Variants in CRHR1 observed in about 807,000 individuals in gnomAD.
The protein encoded by CRHR1 is corticotropin releasing hormone receptor 1, also known as corticotropin-releasing hormone receptor 1.
CRHR1 carries 28 observed loss-of-function variants against 56.0 expected under a neutral mutation model. The ratio of observed to expected loss-of-function variants is 0.50; its 90% CI spans 0.37 to 0.69. The LOEUF (loss-of-function observed/expected upper bound fraction) is 0.69. CRHR1 is among the 30% of genes least tolerant of loss of function. CRHR1 has a pLI of 0.00. For synonymous variants in CRHR1, 195 were observed against 216.5 expected (o/e 0.90, Z 0.87); for missense variants, 376 against 548.0 (o/e 0.69, Z 3.13).
rs1450999357 is a variant in CRHR1, at chr17:45,784,467, G to T, written c.-78G>T. On this transcript the variant is annotated 5_prime_UTR_variant, in exon 1 of 13. Transcript: ENST00000314537. The surrounding 1 kb of genome is among the most constrained non-coding windows in gnomAD (Gnocchi z 4.2). The stretch of plus-strand genomic sequence containing the variant: ...CGGCCGCCCACCCCGTGCCGCCCGA[G>T]CCCGCAGCCGCCCGCCGGTCCCTCT... 9 of 1,424,492 alleles carry T rather than the reference G, an allele frequency of 6.3e-6. No individual in the cohort carries two copies. Among genetic ancestry groups the T allele is most frequent in the African/African-American group, 1.5e-5 (1 of 67,218 alleles). The allele number at this position is 1,424,492 out of a possible 1,614,324, so 88.2% of individuals were successfully genotyped here.
chr17:45,833,120 T>C lies in CRHR1; in HGVS notation c.771-18T>C. On this transcript the variant is annotated intron_variant, in intron 8 of 12. Coordinates refer to ENST00000314537, the MANE Select transcript of CRHR1 (RefSeq NM_004382.5). Reference sequence around the variant, plus strand: ...GACGCAGATGACCCTTCCTCCCCTTTCCTCTGTGGCCTTCTAGGTGCTGGT... The same window carrying C: ...GACGCAGATGACCCTTCCTCCCCTTCCCTCTGTGGCCTTCTAGGTGCTGGT... The C allele has an allele frequency of 6.2e-7, 1 of 1,609,920 alleles. No individual in the cohort carries two copies.
chr17:45,823,448 G>A (rs1455883512), intron 4 of CRHR1, among the ~76,000 whole-genome samples: 8 of 128,438 alleles, frequency 6.2e-5, no homozygotes, highest in South Asian at 2.5e-4. Context: ...TTCCTCTGTC[G>A]CCAGGCTGGA....
At chr17:45,824,342 G>T (rs908373310) in intron 4 of CRHR1, among the ~76,000 whole-genome samples, 1 of 152,212 alleles carries the variant, frequency 6.6e-6, no homozygotes, top group Non-Finnish European at 1.5e-5. Context: ...AAGCCATGAG[G>T]TCAGGCTGCA....
intron 1 of CRHR1, among the ~76,000 whole-genome samples, chr17:45,792,446 T>A (rs1318883611): frequency 6.6e-6 from 1 of 152,160 alleles, no homozygotes; most frequent in African/African-American, 2.4e-5. Flanking sequence ...AAGAACCTGA[T>A]GCTCCCCTAA....
chr17:45,790,075 G>A (rs551081799), intron 1 of CRHR1, among the ~76,000 whole-genome samples: 2 of 152,284 alleles, frequency 1.3e-5, no homozygotes, highest in East Asian at 1.9e-4. Context: ...GGTATTTGGC[G>A]TATAGAATCT....
intron 1 of CRHR1, among the ~76,000 whole-genome samples, chr17:45,806,046 T>C (rs1407185987): frequency 6.6e-6 from 1 of 152,186 alleles, no homozygotes; most frequent in East Asian, 1.9e-4. Context: ...GTTAGACCCA[T>C]TTTTACAGGT....
rs765059247 is a variant in CRHR1 at position 45,807,116 on chromosome 17, CT to C, written c.121+20del. Reference sequence around the variant, plus strand: ...ATCTCAGGTGAGTCCCCTCAACCCCCTCCTGCAAGATTCCTGGTCACCACAA... The same window carrying C: ...ATCTCAGGTGAGTCCCCTCAACCCCCCCTGCAAGATTCCTGGTCACCACAA... On this transcript the variant is annotated intron_variant, in intron 2 of 12. Coordinates refer to ENST00000314537, the MANE Select transcript of CRHR1 (RefSeq NM_004382.5). 20 of 1,610,112 alleles carry C rather than the reference CT, an allele frequency of 1.2e-5. No homozygotes were observed. The highest frequency in any genetic ancestry group is 1.7e-5 in the Non-Finnish European group (20 of 1,176,656).
chr17:45,829,602 T>C (rs1200618259), intron 5 of CRHR1: 6 of 1,550,930 alleles, frequency 3.9e-6, no homozygotes, highest in Non-Finnish European at 5.2e-6. Context: ...GATGGAGCCC[T>C]GGAGGTGGGG....
rs1340655492 is a variant in CRHR1, at chr17:45,816,371, G to T, written c.122-92G>T. 18 of 1,542,748 alleles carry T rather than the reference G, an allele frequency of 1.2e-5. No homozygotes were observed. In the Admixed American group the frequency reaches 2.7e-4, roughly 24 times the overall value. ...CTAGCTGGTGTGAGTGGGAACGAGT[G>T]GGGAGGTGGGCAGAACTCTGGAATG... On this transcript the variant is annotated intron_variant, in intron 2 of 12. Coordinates refer to ENST00000314537, the MANE Select transcript of CRHR1 (RefSeq NM_004382.5).
chr17:45,834,382 A>G (rs141532084), intron 12 of CRHR1, among the ~76,000 whole-genome samples: 41 of 152,348 alleles, frequency 2.7e-4, no homozygotes, highest in Non-Finnish European at 5.4e-4. Flanking sequence ...GGCAAAGGGC[A>G]TATGGTGCCT....
chr17:45,800,681 G>A (rs1049059519), intron 1 of CRHR1: 5 of 152,310 alleles, frequency 3.3e-5, no homozygotes, highest in African/African-American at 1.2e-4. Flanking sequence ...GCAGAAGGGC[G>A]AGGGACCGTG....
chr17:45,833,707 A>G lies in CRHR1; in HGVS notation c.930-7A>G. ...GACTCCGAGCCTCCCCACCCGCCCC[A>G]CCCCAGGAAGGCTGTGAAAGCCACT... On this transcript the variant is annotated splice_region_variant and splice_polypyrimidine_tract_variant and intron_variant, in intron 10 of 12. Transcript: ENST00000314537. 3.3e-6 allele frequency: 1 copy of G among 300,582 alleles called. No individual in the cohort carries two copies. The highest frequency in any genetic ancestry group is 5.8e-6 in the Non-Finnish European group (1 of 171,010). The allele number at this position is 300,582 out of a possible 1,614,324, so 18.6% of individuals were successfully genotyped here.
At chr17:45,818,782 A>ACTTCTAGGC (rs1222027626) in intron 3 of CRHR1, among the ~76,000 whole-genome samples, 2 of 152,122 alleles carry the variant, frequency 1.3e-5, no homozygotes, top group Non-Finnish European at 2.9e-5. Flanking sequence ...TGCTGCCAGG[A>ACTTCTAGGC]CTTCTAGGCC....
At chr17:45,833,903 CA>C (rs2143280526) in intron 11 of CRHR1, 54 bp downstream of exon 11, 2 of 1,612,394 alleles carry the variant, frequency 1.2e-6, no homozygotes, top group East Asian at 4.5e-5. Flanking sequence ...TTCTGCCAAG[CA>C]GAGGCCTGGA....
chr17:45,813,958 A>G (rs1403050180), intron 2 of CRHR1, among the ~76,000 whole-genome samples: 5 of 152,248 alleles, frequency 3.3e-5, no homozygotes, highest in Admixed American at 3.3e-4. Context: ...TGGCCGGTGC[A>G]GGTCCTCTAG....
intron 2 of CRHR1, among the ~76,000 whole-genome samples, chr17:45,814,428 T>C (rs1275815195): frequency 6.6e-6 from 1 of 152,232 alleles, no homozygotes; most frequent in Non-Finnish European, 1.5e-5. Flanking sequence ...AATACCTGCC[T>C]ATGAGTCTTG....
intron 2 of CRHR1, among the ~76,000 whole-genome samples, chr17:45,816,000 G>T (rs1459834156): frequency 6.6e-6 from 1 of 152,210 alleles, no homozygotes; most frequent in Non-Finnish European, 1.5e-5. Flanking sequence ...CAGGGCCAGG[G>T]TAGATGTGGT....
At chr17:45,830,734 T>A (rs1186025965) in intron 7 of CRHR1, 146 bp from the exon 8 acceptor site, 2 of 1,173,984 alleles carry the variant, frequency 1.7e-6, no homozygotes, top group Non-Finnish European at 2.4e-6. Context: ...TGGGCGGCAG[T>A]AGAAGCACCT....
intron 2 of CRHR1, among the ~76,000 whole-genome samples, chr17:45,813,933 T>G (rs2061874837): frequency 6.6e-6 from 1 of 152,236 alleles, no homozygotes; most frequent in Non-Finnish European, 1.5e-5. Flanking sequence ...TTAGAGCCCT[T>G]AGAGCTCCCA....
Sources: allele counts gnomAD v4.1 joint callset (sites outside exome capture counted in the v4.1 genomes callset), GRCh38; gene constraint gnomAD v4.1.1; non-coding constraint Gnocchi (gnomAD v3.1); transcripts MANE v1.5; gene names NCBI Gene and HGNC (gene_info 2026-07-23, HGNC 2026-07-21).